Variants in GABRG3 observed in about 807,000 individuals in gnomAD.
GABRG3 encodes gamma-aminobutyric acid receptor subunit gamma-3.
GABRG3 carries 25 observed loss-of-function variants against 48.8 expected under a neutral mutation model. The ratio of observed to expected loss-of-function variants is 0.51; its 90% CI spans 0.37 to 0.72. The LOEUF is 0.72. Ranked by LOEUF, GABRG3 falls within the 30% of genes least tolerant of loss-of-function variation. The pLI, the probability that GABRG3 is intolerant of heterozygous loss-of-function variation, is 0.00. For missense variants in GABRG3, 394 were observed against 577.9 expected (o/e 0.68, Z 3.26); for synonymous variants, 227 against 217.6 (o/e 1.04, Z -0.38).
chr15:27,486,477 A>G (rs1359789970), intron 6 of GABRG3, among the ~76,000 whole-genome samples: 1 of 152,204 alleles, frequency 6.6e-6, no homozygotes, highest in African/African-American at 2.4e-5. Flanking sequence ...AGTATTCTAT[A>G]TATGAAGTTT....
At chr15:27,188,372 A>G in intron 3 of GABRG3, among the ~76,000 whole-genome samples, 1 of 152,228 alleles carries the variant, frequency 6.6e-6, no homozygotes, top group Non-Finnish European at 1.5e-5. Flanking sequence ...ATTTCTCCAC[A>G]TACTCTCCAG....
At chr15:27,017,865 G>T (rs1368146183) in intron 2 of GABRG3, among the ~76,000 whole-genome samples, 1 of 152,176 alleles carries the variant, frequency 6.6e-6, no homozygotes, top group East Asian at 1.9e-4. Flanking sequence ...CATCTTGCTG[G>T]TGTCACTTTG....
chr15:27,160,514 C>T (rs901228014), intron 3 of GABRG3, among the ~76,000 whole-genome samples: 2 of 151,912 alleles, frequency 1.3e-5, no homozygotes, highest in African/African-American at 4.8e-5. Flanking sequence ...TATAAGACTT[C>T]TCTGTTTGGT....
intron 3 of GABRG3, among the ~76,000 whole-genome samples, chr15:27,145,665 T>TATCTATCTATCTTATC (rs57021410): frequency 7.2e-6 from 1 of 138,356 alleles, no homozygotes; most frequent in Non-Finnish European, 1.5e-5. Context: ...ATCTATCTAT[T>TATCTATCTATCTTATC]GTGCCAGAAG....
chr15:27,351,490 GGT>G (rs532797712), intron 5 of GABRG3, among the ~76,000 whole-genome samples: 7 of 143,948 alleles, frequency 4.9e-5, no homozygotes, highest in African/African-American at 1.3e-4. Flanking sequence ...GTGTGTGTAT[GGT>G]GTGTGTGTGT....
chr15:27,387,477 G>A (rs1895958899), intron 5 of GABRG3, among the ~76,000 whole-genome samples: 1 of 152,064 alleles, frequency 6.6e-6, no homozygotes, highest in African/African-American at 2.4e-5. Flanking sequence ...ACTACCCAGA[G>A]GCCATTTGTA....
At chr15:27,187,978 T>G (rs1888154915) in intron 3 of GABRG3, among the ~76,000 whole-genome samples, 1 of 150,154 alleles carries the variant, frequency 6.7e-6, no homozygotes, top group South Asian at 2.1e-4. Context: ...ATATGCGGTG[T>G]TTGGTTTTTT....
At chr15:27,349,475 T>C (rs1176502303) in intron 5 of GABRG3, among the ~76,000 whole-genome samples, 1 of 152,124 alleles carries the variant, frequency 6.6e-6, no homozygotes. Flanking sequence ...AGGGTTAAAA[T>C]CTAGAGGGAA....
chr15:27,302,498 A>G (rs1034181565), intron 3 of GABRG3, among the ~76,000 whole-genome samples: 1 of 152,116 alleles, frequency 6.6e-6, no homozygotes, highest in Non-Finnish European at 1.5e-5. Flanking sequence ...AAGCAAAACC[A>G]GACAAAACTG....
At chr15:27,073,711 C>G (rs1896863227) in intron 3 of GABRG3, among the ~76,000 whole-genome samples, 1 of 152,230 alleles carries the variant, frequency 6.6e-6, no homozygotes, top group African/African-American at 2.4e-5. Context: ...AGATAACACA[C>G]ATGGATTAGC....
At chr15:27,475,499 C>G (rs577934283) in intron 5 of GABRG3, among the ~76,000 whole-genome samples, 2 of 150,730 alleles carry the variant, frequency 1.3e-5, no homozygotes, top group Non-Finnish European at 3.0e-5. Context: ...GTGATGGTGA[C>G]GATGATATTG....
At chr15:27,511,572 G>A (rs1890896156) in intron 6 of GABRG3, among the ~76,000 whole-genome samples, 1 of 152,196 alleles carries the variant, frequency 6.6e-6, no homozygotes, top group Non-Finnish European at 1.5e-5. Flanking sequence ...ATCCCAGGAG[G>A]TATGATGATG....
chr15:27,283,703 A>G (rs1034059202), intron 3 of GABRG3, among the ~76,000 whole-genome samples: 1 of 152,190 alleles, frequency 6.6e-6, no homozygotes, highest in Non-Finnish European at 1.5e-5. Context: ...GCCCAGGAGC[A>G]TCTCCAGTTT....
chr15:27,171,169 G>A (rs1013053415), intron 3 of GABRG3, among the ~76,000 whole-genome samples: 3 of 152,188 alleles, frequency 2.0e-5, no homozygotes, highest in African/African-American at 7.2e-5. Flanking sequence ...GGCATCAAAT[G>A]TTTCTGCTAA....
intron 5 of GABRG3, among the ~76,000 whole-genome samples, chr15:27,333,178 C>T (rs1441666304): frequency 6.6e-6 from 1 of 152,158 alleles, no homozygotes; most frequent in Non-Finnish European, 1.5e-5. Context: ...AAAGAATATT[C>T]AATTGCAAAC....
intron 3 of GABRG3, among the ~76,000 whole-genome samples, chr15:27,294,311 G>A (rs28453299): frequency 0.064 from 9,599 of 150,792 alleles, 1,002 homozygotes; most frequent in African/African-American, 0.22. Context: ...CTGCCTCCTG[G>A]GCTCAAGCAA....
In GABRG3 at chr15:27,386,494, C is replaced by T. The variant is rs147989902; in HGVS notation, c.574+57606C>T. ...TTAGCCTCCCAAGATTGTTTGTCAC[C>T]GAGATCTATATTGTTTGAACAATAA... On this transcript the variant is annotated intron_variant, in intron 5 of 9. Coordinates refer to ENST00000615808, the MANE Select transcript of GABRG3 (RefSeq NM_033223.5). 7.2e-4 allele frequency among the ~76,000 whole-genome samples: 110 copies of T among 152,130 alleles called. 1 individual carries two copies. The highest frequency in any genetic ancestry group is 1.1e-3 in the Non-Finnish European group (73 of 68,010).
In GABRG3 at chr15:27,398,666, GCACA is replaced by G. The variant is rs111910385; in HGVS notation, c.574+69798_574+69801del. Among the ~76,000 whole-genome samples the G allele has an allele frequency of 2.1e-3, 310 of 147,282 alleles. 2 individuals carry two copies. Among genetic ancestry groups the G allele is most frequent in the African/African-American group, 7.4e-3 (296 of 40,242 alleles). On this transcript the variant is annotated intron_variant, in intron 5 of 9. Transcript: ENST00000615808. ...TGGGTAGGGGAGATGACAAGCGCGC[GCACA>G]CACACACACACACACACACCCCTCT...
At chr15:27,371,107 C>A (rs1055067690) in intron 5 of GABRG3, among the ~76,000 whole-genome samples, 1 of 152,064 alleles carries the variant, frequency 6.6e-6, no homozygotes, top group Non-Finnish European at 1.5e-5. Flanking sequence ...GCCAGTACAC[C>A]AAGTTCCATT....
Sources: gnomAD v4.1 joint callset for allele counts (sites outside exome capture counted in the v4.1 genomes callset) on GRCh38, gnomAD v4.1.1 for gene constraint, MANE v1.5 for transcripts, NCBI Gene and HGNC (gene_info 2026-07-23, HGNC 2026-07-21) for gene names.